SGIP1: variants seen among roughly 807,000 people sequenced by gnomAD.
SGIP1 encodes the protein SH3GL interacting endocytic adaptor 1.
SGIP1 carries 38 observed loss-of-function variants against 107.5 expected under a neutral mutation model. The observed-to-expected ratio is 0.35, with a 90% CI of 0.27 to 0.46. The LOEUF is 0.46. Among genes scored for constraint, SGIP1 ranks in the 20% least tolerant of loss-of-function variants. The probability of loss-of-function intolerance (pLI) is 1.00; values close to 1 mark genes in which losing one functional copy is unlikely to be tolerated. For synonymous variants in SGIP1, 365 were observed against 366.1 expected, an observed-to-expected ratio of 1.00 and a Z score of 0.03; for missense variants, 929 against 1,019.5, an observed-to-expected ratio of 0.91 and a Z score of 1.21.
intron 1 of SGIP1, among the ~76,000 whole-genome samples, chr1:66,563,097 G>C (rs1571373419): frequency 6.6e-6 from 1 of 151,328 alleles, no homozygotes; most frequent in Admixed American, 6.6e-5. Context: ...GAAGTAGAAA[G>C]AGAAAAAAAA....
At chr1:66,662,052 T>C (rs193256419) in intron 8 of SGIP1, among the ~76,000 whole-genome samples, 167 of 152,330 alleles carry the variant, frequency 1.1e-3, no homozygotes, top group African/African-American at 3.8e-3. Context: ...TAACTTGTAA[T>C]ATGTAGTCGA....
At chr1:66,617,355 T>A (rs559638073) in intron 1 of SGIP1, among the ~76,000 whole-genome samples, 16 of 152,282 alleles carry the variant, frequency 1.1e-4, no homozygotes, top group Non-Finnish European at 2.2e-4. Flanking sequence ...CCATCTTAAC[T>A]GGTCTTATGT....
chr1:66,696,083 C>T (rs955137526), intron 18 of SGIP1, among the ~76,000 whole-genome samples: 1 of 152,168 alleles, frequency 6.6e-6, no homozygotes, highest in East Asian at 1.9e-4. Flanking sequence ...AAATGGAGAA[C>T]TATTGCTGGA....
At chr1:66,580,051 G>A (rs2148723157) in intron 1 of SGIP1, among the ~76,000 whole-genome samples, 1 of 151,988 alleles carries the variant, frequency 6.6e-6, no homozygotes, top group East Asian at 1.9e-4. Flanking sequence ...TATTTTAATA[G>A]CCTCCTAATT....
At chr1:66,741,092 G>A (rs954592429) in intron 23 of SGIP1, among the ~76,000 whole-genome samples, 180 bp from the exon 24 acceptor site, 1 of 152,194 alleles carries the variant, frequency 6.6e-6, no homozygotes, top group Non-Finnish European at 1.5e-5. Context: ...TCTCATGGAA[G>A]TACACTTTTA....
intron 2 of SGIP1, among the ~76,000 whole-genome samples, chr1:66,631,652 G>GCT (rs1203758991): frequency 2.8e-5 from 4 of 143,502 alleles, no homozygotes; most frequent in Non-Finnish European, 6.1e-5. Context: ...TCTCTGCATT[G>GCT]CTCTCTCTCT....
intron 5 of SGIP1, among the ~76,000 whole-genome samples, chr1:66,642,106 C>T (rs1056078361): frequency 1.3e-5 from 2 of 152,240 alleles, no homozygotes; most frequent in Non-Finnish European, 2.9e-5. Context: ...GTATGCACCA[C>T]CCTAGCTGAG....
chr1:66,615,502 A>G lies in SGIP1; in HGVS notation c.11-10345A>G, dbSNP rs185586362. On this transcript the variant is annotated intron_variant, in intron 1 of 24. Coordinates refer to ENST00000371037, the MANE Select transcript of SGIP1 (RefSeq NM_032291.4). Reference sequence around the variant, plus strand: ...CGATTAAATGATACATGTAGTAAGAATTTATAGATTTTACCAAAGGACTGG... The same window carrying G: ...CGATTAAATGATACATGTAGTAAGAGTTTATAGATTTTACCAAAGGACTGG... Among the ~76,000 whole-genome samples the G allele has an allele frequency of 1.4e-3, 210 of 152,318 alleles. 1 individual carries two copies. Among genetic ancestry groups the G allele is most frequent in the African/African-American group, 5.0e-3 (207 of 41,566 alleles).
In SGIP1 at chr1:66,626,003, G is replaced by A. The variant is rs74970464; in HGVS notation, c.74+93G>A. On this transcript the variant is annotated intron_variant, in intron 2 of 24. Coordinates refer to ENST00000371037, the MANE Select transcript of SGIP1 (RefSeq NM_032291.4). ...ATATAAGATGGCCACAGTTTTCTCG[G>A]ATATTGTGTACTATTTGCTTTCCTC... The A allele has an allele frequency of 8.1e-3, 7,249 of 896,750 alleles. 37 individuals carry two copies. Among genetic ancestry groups the A allele is most frequent in the Non-Finnish European group, 0.01 (5,858 of 581,968 alleles). 55.5% of individuals were successfully genotyped at this position (896,750 alleles called of 1,614,324 possible).
intron 18 of SGIP1, among the ~76,000 whole-genome samples, chr1:66,698,545 A>AT (rs1332312667): frequency 1.3e-5 from 2 of 151,814 alleles, no homozygotes; most frequent in African/African-American, 4.8e-5. Flanking sequence ...CGCCCGGCTA[A>AT]TTTTTTGTAT....
At chr1:66,706,021 G>A (rs1228429591) in intron 18 of SGIP1, among the ~76,000 whole-genome samples, 3 of 151,770 alleles carry the variant, frequency 2.0e-5, no homozygotes, top group Admixed American at 6.6e-5. Flanking sequence ...CATGTATCCC[G>A]GAACTTAGAG....
At chr1:66,661,958 G>T (rs1478347864) in intron 8 of SGIP1, among the ~76,000 whole-genome samples, 2 of 151,990 alleles carry the variant, frequency 1.3e-5, no homozygotes, top group African/African-American at 4.8e-5. Context: ...TTACTAGCAG[G>T]TTCTTTGTTT....
intron 1 of SGIP1, among the ~76,000 whole-genome samples, chr1:66,554,682 A>T (rs2057924291): frequency 6.6e-6 from 1 of 152,146 alleles, no homozygotes; most frequent in African/African-American, 2.4e-5. Flanking sequence ...TTGTGTTTAG[A>T]CTTGGGTCTC....
chr1:66,736,912 A>C (rs969745258), intron 21 of SGIP1, among the ~76,000 whole-genome samples: 9 of 152,132 alleles, frequency 5.9e-5, no homozygotes, highest in Non-Finnish European at 4.4e-5. Flanking sequence ...GAAATGCAAA[A>C]GAATATAATT....
At chr1:66,686,971 AC>A in intron 15 of SGIP1, among the ~76,000 whole-genome samples, 1 of 152,330 alleles carries the variant, frequency 6.6e-6, no homozygotes, top group Non-Finnish European at 1.5e-5. Context: ...TAAGGTAGAA[AC>A]AAGGCCTCAC....
chr1:66,697,501 G>T (rs543541103), intron 18 of SGIP1, among the ~76,000 whole-genome samples: 4 of 152,268 alleles, frequency 2.6e-5, no homozygotes, highest in African/African-American at 9.6e-5. Flanking sequence ...AAGGCTTCTT[G>T]AAAGGATGTG....
intron 7 of SGIP1, among the ~76,000 whole-genome samples, chr1:66,655,291 T>G (rs564236655): frequency 1.3e-5 from 2 of 151,982 alleles, no homozygotes; most frequent in Non-Finnish European, 1.5e-5. Context: ...CCTCTTCCCC[T>G]AGATAGCTGT....
intron 1 of SGIP1, among the ~76,000 whole-genome samples, chr1:66,584,185 T>A (rs528562930): frequency 1.3e-5 from 2 of 152,074 alleles, no homozygotes; most frequent in Non-Finnish European, 2.9e-5. Context: ...ATCTCAATAA[T>A]CTCCATATTT....
chr1:66,537,006 A>G (rs943221374), intron 1 of SGIP1, among the ~76,000 whole-genome samples: 2 of 152,196 alleles, frequency 1.3e-5, no homozygotes, highest in African/African-American at 4.8e-5. Context: ...GGAACAGGAT[A>G]TAGGCTCCAT....
Sources: gnomAD v4.1 joint callset for allele counts (sites outside exome capture counted in the v4.1 genomes callset) on GRCh38, gnomAD v4.1.1 for gene constraint, MANE v1.5 for transcripts, NCBI Gene and HGNC (gene_info 2026-07-23, HGNC 2026-07-21) for gene names.